Variants in RPS6KA2 observed in about 807,000 individuals in gnomAD.
The protein encoded by RPS6KA2 is ribosomal protein S6 kinase A2, also known as ribosomal protein S6 kinase alpha-2.
A neutral mutation model predicts 91.8 loss-of-function variants in RPS6KA2; 42 were observed. The observed-to-expected ratio is 0.46, with a 90% CI of 0.36 to 0.59. The LOEUF is 0.59. Ranked by LOEUF, RPS6KA2 falls within the 20% of genes least tolerant of loss-of-function variation. The pLI is 0.00. For synonymous variants in RPS6KA2, 414 were observed against 393.6 expected (o/e 1.05, Z -0.61); for missense variants, 798 against 978.5 (o/e 0.82, Z 2.46).
intron 2 of RPS6KA2, among the ~76,000 whole-genome samples, chr6:166,673,187 C>T (rs1451637368): frequency 6.6e-6 from 1 of 152,222 alleles, no homozygotes; most frequent in East Asian, 1.9e-4. Flanking sequence ...ACCTTCTCTA[C>T]ACTGTAGCGC....
intron 1 of RPS6KA2, among the ~76,000 whole-genome samples, chr6:166,542,918 C>T (rs770659080): frequency 2.6e-5 from 4 of 152,084 alleles, no homozygotes; most frequent in Admixed American, 6.5e-5. Context: ...GGGTTCACCT[C>T]ATTTCCAAAA....
Position 166,762,479 on chromosome 6 carries a change from G to C in RPS6KA2, c.123+95721C>G, listed in dbSNP as rs1429344894. Among the ~76,000 whole-genome samples, 6 of 152,190 alleles carry C rather than the reference G, an allele frequency of 3.9e-5. 1 individual carries two copies. In the East Asian group the frequency reaches 1.2e-3, roughly 29 times the overall value. On this transcript the variant is annotated intron_variant, in intron 2 of 21. Transcript: ENST00000503859. ...CCTGGCGTAGTCCCTGGCACATGGAGTGTGTAAAGTCATGTTCTTAAGTGA... is the reference window on the plus strand; with the variant it reads ...CCTGGCGTAGTCCCTGGCACATGGACTGTGTAAAGTCATGTTCTTAAGTGA...
rs928770516 is a variant in RPS6KA2, at chr6:166,531,664, T to C, written c.217-351A>G. ...AGATCCTTTGGTTTGAGTATCCCTC[T>C]GTAAATCCTTACTGAGAGACCACGC... On this transcript the variant is annotated intron_variant, in intron 2 of 20. Coordinates refer to ENST00000265678, the MANE Select transcript of RPS6KA2 (RefSeq NM_021135.6). 4.6e-5 allele frequency among the ~76,000 whole-genome samples: 7 copies of C among 152,212 alleles called. 1 individual carries two copies. The highest frequency in any genetic ancestry group is 1.0e-4 in the Non-Finnish European group (7 of 68,024).
At chr6:166,646,967 TCCAGGCTGACGC>T (rs1352467545) in intron 2 of RPS6KA2, among the ~76,000 whole-genome samples, 2 of 152,176 alleles carry the variant, frequency 1.3e-5, no homozygotes, top group Non-Finnish European at 2.9e-5. Context: ...CTGTCCTTTC[TCCAGGCTGACGC>T]CCAGCCCTCC....
chr6:166,854,362 CCTTCTACA>C, intron 2 of RPS6KA2, among the ~76,000 whole-genome samples: 1 of 152,320 alleles, frequency 6.6e-6, no homozygotes, highest in Admixed American at 6.5e-5. Flanking sequence ...ATCCCAAATG[CCTTCTACA>C]CTTCAAAAAC....
chr6:166,741,579 G>A (rs1183658980), intron 2 of RPS6KA2, among the ~76,000 whole-genome samples: 1 of 152,224 alleles, frequency 6.6e-6, no homozygotes. Context: ...AGGATCATTA[G>A]AGCCCCGGTG....
At chr6:166,568,695 C>A (rs148377808) in intron 1 of RPS6KA2, among the ~76,000 whole-genome samples, 307 of 128,464 alleles carry the variant, frequency 2.4e-3, no homozygotes, top group African/African-American at 8.1e-3. Flanking sequence ...TGTTTTGGGG[C>A]TGAAACACAT....
chr6:166,475,714 T>C, intron 10 of RPS6KA2: 1 of 518,228 alleles, frequency 1.9e-6, no homozygotes, highest in South Asian at 1.5e-5. Context: ...GGATTCAGTC[T>C]AGAACTCTTT....
chr6:166,853,603 C>T (rs1229636356), intron 2 of RPS6KA2, among the ~76,000 whole-genome samples: 2 of 148,406 alleles, frequency 1.3e-5, no homozygotes, highest in Non-Finnish European at 3.0e-5. Context: ...CCGCCACGTC[C>T]TATCCCACCA....
At chr6:166,559,458 A>C (rs1234758843) in intron 1 of RPS6KA2, among the ~76,000 whole-genome samples, 1 of 152,194 alleles carries the variant, frequency 6.6e-6, no homozygotes, top group African/African-American at 2.4e-5. Flanking sequence ...GCCAAGCCAA[A>C]TGAGGCAGAA....
At chr6:166,483,877 C>T (rs376381789) in intron 10 of RPS6KA2, among the ~76,000 whole-genome samples, 21 of 152,328 alleles carry the variant, frequency 1.4e-4, no homozygotes, top group Admixed American at 9.1e-4. Flanking sequence ...TCATGAAGAT[C>T]GGAGGAGATG....
intron 2 of RPS6KA2, among the ~76,000 whole-genome samples, chr6:166,742,010 C>T (rs1053487921): frequency 1.3e-5 from 2 of 152,156 alleles, no homozygotes; most frequent in African/African-American, 4.8e-5. Flanking sequence ...CGCCTGTAAT[C>T]CCAGCTACTC....
chr6:166,804,465 G>T (rs576154485), intron 2 of RPS6KA2, among the ~76,000 whole-genome samples: 1 of 150,640 alleles, frequency 6.6e-6, no homozygotes, highest in Non-Finnish European at 1.5e-5. Context: ...TTGAACAAAC[G>T]ATCTGTGCAA....
rs964518264 is a variant in RPS6KA2, at chr6:166,459,282, C to G, written c.1075+167G>C. Among the ~76,000 whole-genome samples, 2 of 152,192 alleles carry G rather than the reference C, an allele frequency of 1.3e-5. No homozygotes were observed. The highest frequency in any genetic ancestry group is 2.9e-5 in the Non-Finnish European group (2 of 68,038). On this transcript the variant is annotated intron_variant, in intron 12 of 20. Coordinates refer to ENST00000265678, the MANE Select transcript of RPS6KA2 (RefSeq NM_021135.6). This position sits in a 1 kb window ranked among gnomAD's most constrained non-coding sequence, Gnocchi z 4.9. The stretch of plus-strand genomic sequence containing the variant: ...CAGAGAACTGGGGCTATCACTTAAA[C>G]CTTTATCACTGAGCAGAGAAAACAA...
Position 166,470,645 on chromosome 6 carries a change from G to A in RPS6KA2, c.908-740C>T, listed in dbSNP as rs368995253. Among the ~76,000 whole-genome samples the A allele has an allele frequency of 2.6e-5, 4 of 152,286 alleles. No homozygotes were observed. In the East Asian group the frequency reaches 7.7e-4, roughly 29 times the overall value. On this transcript the variant is annotated intron_variant, in intron 10 of 20. Coordinates refer to ENST00000265678, the MANE Select transcript of RPS6KA2 (RefSeq NM_021135.6). ...TGGATACATGTCCACTCATCTGCCA[G>A]AAATCGCCACTGTCCCCCCAGAACG...
At position 166,783,877 on chromosome 6, in the gene RPS6KA2, A is replaced by G. The variant is rs79985773; in HGVS notation, c.123+74323T>C. On this transcript the variant is annotated intron_variant, in intron 2 of 21. Transcript: ENST00000503859. Reference sequence around the variant, plus strand: ...CATATGCACACGTGCACACCTACGCATCACCACATATGCACACGTGCACAC... The same window carrying G: ...CATATGCACACGTGCACACCTACGCGTCACCACATATGCACACGTGCACAC... Among the ~76,000 whole-genome samples the G allele has an allele frequency of 6.0e-4, 46 of 76,870 alleles. 2 individuals are homozygous for G. Among genetic ancestry groups the G allele is most frequent in the East Asian group, 3.5e-3 (15 of 4,240 alleles). The allele number at this position is 76,870 out of a possible 152,430, so 50.4% of individuals were successfully genotyped here.
At chr6:166,660,368 ATG>A (rs1001042925) in intron 2 of RPS6KA2, among the ~76,000 whole-genome samples, 5 of 139,640 alleles carry the variant, frequency 3.6e-5, no homozygotes, top group African/African-American at 1.3e-4. Context: ...GCGTGTGTGC[ATG>A]TGTGTGCATG....
At chr6:166,654,019 C>A (rs907723292) in intron 2 of RPS6KA2, among the ~76,000 whole-genome samples, 5 of 152,220 alleles carry the variant, frequency 3.3e-5, no homozygotes, top group Non-Finnish European at 5.9e-5. Flanking sequence ...AAAATCATTT[C>A]TCAACTGTGA....
chr6:166,699,733 T>C (rs1041036615), intron 2 of RPS6KA2, among the ~76,000 whole-genome samples: 3 of 152,236 alleles, frequency 2.0e-5, no homozygotes, highest in African/African-American at 7.2e-5. Flanking sequence ...TTCACAGTCA[T>C]TCGAATTATA....
Sources: allele counts gnomAD v4.1 joint callset (sites outside exome capture counted in the v4.1 genomes callset), GRCh38; gene constraint gnomAD v4.1.1; non-coding constraint Gnocchi (gnomAD v3.1); transcripts MANE v1.5; gene names NCBI Gene and HGNC (gene_info 2026-07-23, HGNC 2026-07-21).